Variants in COPE observed in about 807,000 individuals in gnomAD.
COPE encodes coatomer subunit epsilon.
In COPE, 19 loss-of-function variants were observed where a neutral mutation model predicts 42.1. That is an observed-to-expected ratio of 0.45 (90% CI 0.31 to 0.66). COPE has a LOEUF of 0.66. COPE is among the 30% of genes least tolerant of loss of function. The pLI, the probability that COPE is intolerant of heterozygous loss-of-function variation, is 0.05. For missense variants in COPE, 402 were observed against 416.1 expected, an observed-to-expected ratio of 0.97 and a Z score of 0.30; for synonymous variants, 195 against 181.3, an observed-to-expected ratio of 1.08 and a Z score of -0.60.
intron 6 of COPE, among the ~76,000 whole-genome samples, chr19:18,904,233 G>A (rs1386631891): frequency 6.6e-6 from 1 of 152,244 alleles, no homozygotes; most frequent in African/African-American, 2.4e-5. Flanking sequence ...CCGAAGTGCT[G>A]GGATTACAGG....
chr19:18,900,821 C>A (rs2056691903), intron 7 of COPE, among the ~76,000 whole-genome samples: 1 of 152,200 alleles, frequency 6.6e-6, no homozygotes, highest in Non-Finnish European at 1.5e-5. Context: ...CACCAGCTCC[C>A]AAGGAGCCTT....
At chr19:18,905,210 C>T (rs1052462760) in intron 5 of COPE, among the ~76,000 whole-genome samples, 1 of 152,068 alleles carries the variant, frequency 6.6e-6, no homozygotes, top group Non-Finnish European at 1.5e-5. Context: ...CCTGGACCCC[C>T]AGCCATGGCC....
chr19:18,910,923 T>C, intron 3 of COPE, 48 bp downstream of exon 3: 1 of 1,552,708 alleles, frequency 6.4e-7, no homozygotes, highest in Non-Finnish European at 8.9e-7. Flanking sequence ...CCAACAGGCC[T>C]TGAAGATGGC....
intron 1 of COPE, among the ~76,000 whole-genome samples, chr19:18,916,312 C>G (rs1450565063): frequency 4.0e-5 from 6 of 151,362 alleles, no homozygotes; most frequent in African/African-American, 1.5e-4. Flanking sequence ...GAGATTGTGC[C>G]ACTGCACTCC....
At chr19:18,910,684 A>T in intron 3 of COPE, 1 of 465,796 alleles carries the variant, frequency 2.1e-6, no homozygotes, top group East Asian at 3.5e-5. Flanking sequence ...TCGGTAATTG[A>T]TATTTTCAGT....
chr19:18,900,244 T>G, intron 8 of COPE, 137 bp downstream of exon 8: 1 of 723,888 alleles, frequency 1.4e-6, no homozygotes, highest in South Asian at 1.9e-5. Context: ...GGCACAGGGT[T>G]TGTGAGGGAG....
At position 18,919,214 on chromosome 19, in the gene COPE, C is replaced by G; in HGVS notation, c.126+9G>C. ...CCCCCAGCGTCCCCGCGCCCCTGCG[C>G]GGCCGCACCTTCACCCGCTGCGCCT... On this transcript the variant is annotated intron_variant, in intron 1 of 9. Coordinates refer to ENST00000262812, the MANE Select transcript of COPE (RefSeq NM_007263.4). 1 of 1,607,634 alleles carries G rather than the reference C, an allele frequency of 6.2e-7. No individual in the cohort carries two copies. The highest frequency in any genetic ancestry group is 8.5e-7 in the Non-Finnish European group (1 of 1,176,712).
At chr19:18,912,959 G>A in intron 2 of COPE, 25 bp downstream of exon 2, 3 of 1,609,324 alleles carry the variant, frequency 1.9e-6, no homozygotes, top group Non-Finnish European at 1.7e-6. Context: ...CATCACTCTT[G>A]CCCCCGGCCA....
At chr19:18,918,694 G>T (rs974355816) in intron 1 of COPE, among the ~76,000 whole-genome samples, 1 of 152,152 alleles carries the variant, frequency 6.6e-6, no homozygotes, top group African/African-American at 2.4e-5. Context: ...CTCCCAAAGC[G>T]CCAGAATTAC....
chr19:18,917,696 G>A (rs2145088272), intron 1 of COPE, among the ~76,000 whole-genome samples: 1 of 152,232 alleles, frequency 6.6e-6, no homozygotes, highest in Middle Eastern at 3.4e-3. Flanking sequence ...CAGCCAGAAA[G>A]AGGAGACAGT....
At chr19:18,919,119 G>A (rs548859170) in intron 1 of COPE, 104 bp downstream of exon 1, 3 of 1,304,276 alleles carry the variant, frequency 2.3e-6, no homozygotes, top group East Asian at 2.3e-5. Context: ...CAAAAAACGC[G>A]AGAAGAAAAG....
intron 1 of COPE, among the ~76,000 whole-genome samples, chr19:18,913,616 T>TC (rs138957692): frequency 0.77 from 116,750 of 151,772 alleles, 46,431 homozygotes; most frequent in African/African-American, 0.95. Flanking sequence ...CTGGGACCGC[T>TC]CTCCAGAACA....
chr19:18,905,240 G>A (rs532634341), intron 5 of COPE, among the ~76,000 whole-genome samples: 2 of 152,302 alleles, frequency 1.3e-5, no homozygotes, highest in East Asian at 1.9e-4. Context: ...GTGATGCCAC[G>A]TGCAGGCCCC....
At chr19:18,916,971 T>TAAAA (rs2056859211) in intron 1 of COPE, among the ~76,000 whole-genome samples, 2 of 122,904 alleles carry the variant, frequency 1.6e-5, no homozygotes, top group Non-Finnish European at 1.7e-5. Context: ...AAAAAAAAAG[T>TAAAA]ATTCCTTCAC....
intron 7 of COPE, 108 bp downstream of exon 7, chr19:18,903,160 A>T: frequency 8.3e-7 from 1 of 1,204,670 alleles, no homozygotes; most frequent in Non-Finnish European, 1.1e-6. Flanking sequence ...GTGGGGCCAC[A>T]CGCACACCCA....
chr19:18,906,606 A>C, intron 4 of COPE: 17 of 192,860 alleles, frequency 8.8e-5, no homozygotes, highest in East Asian at 2.8e-4. Flanking sequence ...GAGGGCCGGT[A>C]TGGGGGGCCC....
chr19:18,913,623 A>G (rs1347970335), intron 1 of COPE, among the ~76,000 whole-genome samples: 1 of 152,074 alleles, frequency 6.6e-6, no homozygotes, highest in Non-Finnish European at 1.5e-5. Context: ...CGCTCTCCAG[A>G]ACACAGCTTT....
At chr19:18,900,509 C>T (rs555168692) in intron 7 of COPE, 60 bp from the exon 8 acceptor site, 60 of 1,354,976 alleles carry the variant, frequency 4.4e-5, no homozygotes, top group Non-Finnish European at 5.8e-5. Flanking sequence ...CATGCCTGCC[C>T]GTCACCCCCA....
intron 1 of COPE, among the ~76,000 whole-genome samples, chr19:18,918,050 C>T (rs1300552395): frequency 6.6e-6 from 1 of 151,404 alleles, no homozygotes; most frequent in Non-Finnish European, 1.5e-5. Flanking sequence ...TTAGCCGGGC[C>T]ATGGTGGCGC....
Sources: allele counts gnomAD v4.1 joint callset (sites outside exome capture counted in the v4.1 genomes callset), GRCh38; gene constraint gnomAD v4.1.1; transcripts MANE v1.5; gene names NCBI Gene and HGNC (gene_info 2026-07-23, HGNC 2026-07-21).